Variants in ANKRD30B observed in about 807,000 individuals in gnomAD.
The protein encoded by ANKRD30B is ankyrin repeat domain 30B, also known as ankyrin repeat domain-containing protein 30B.
ANKRD30B carries 144 observed loss-of-function variants against 202.2 expected under a neutral mutation model. The observed-to-expected ratio is 0.71, with a 90% CI of 0.62 to 0.82. The LOEUF (loss-of-function observed/expected upper bound fraction) is 0.82, where lower values mean the gene tolerates loss of function less well. ANKRD30B is among the 40% of genes least tolerant of loss of function. The probability of loss-of-function intolerance (pLI) is 0.00; values close to 1 mark genes in which losing one functional copy is unlikely to be tolerated. For synonymous variants in ANKRD30B, 508 were observed against 561.3 expected (o/e 0.91, Z 1.34); for missense variants, 1,487 against 1,669.1 (o/e 0.89, Z 1.90).
Position 14,843,083 on chromosome 18 carries a change from A to C in ANKRD30B, c.3168A>C (p.Gln1056His), listed in dbSNP as rs751653652. 6.2e-7 allele frequency: 1 copy of C among 1,609,010 alleles called. No homozygotes were observed. The highest frequency in any genetic ancestry group is 1.1e-5 in the South Asian group (1 of 89,840). The stretch of plus-strand genomic sequence containing the variant: ...AAGGCTTAGAATGGAAGAATAAACA[A>C]ACATTGAGAGCAGGTAAATTTTACA... ...PNKGLEWKNK[Q>H]TLRADSTTLS... Residue 1056 changes from glutamine (Q) to histidine (H), a missense_variant, in exon 39 of 44, where the codon CAA becomes CAC. Around this residue, in one of 6 missense-constraint regions of ANKRD30B, gnomAD observed 177 missense variants for 216.4 expected, o/e 0.82. Transcript: ENST00000690538.
chr18:14,807,450 A>T (rs1213929789), intron 24 of ANKRD30B, among the ~76,000 whole-genome samples: 1 of 149,696 alleles, frequency 6.7e-6, no homozygotes, highest in Non-Finnish European at 1.5e-5. Flanking sequence ...AATAACCATT[A>T]TTCTAACATT....
chr18:14,887,542 G>A, the ANKRD30B span, among the ~76,000 whole-genome samples: 2 of 151,856 alleles, frequency 1.3e-5, no homozygotes, highest in African/African-American at 4.8e-5. Flanking sequence ...ATTGTTCTGT[G>A]TGAGACATCT....
the ANKRD30B span, among the ~76,000 whole-genome samples, chr18:14,904,145 T>C: frequency 1.3e-5 from 2 of 152,212 alleles, no homozygotes; most frequent in Non-Finnish European, 2.9e-5. Context: ...TGACCTACTG[T>C]GTTTATCGGT....
intron 20 of ANKRD30B, among the ~76,000 whole-genome samples, chr18:14,798,504 C>T (rs1598638610): frequency 6.6e-6 from 1 of 152,082 alleles, no homozygotes; most frequent in Non-Finnish European, 1.5e-5. Flanking sequence ...ACAAACAATC[C>T]ATAGAAACAG....
Position 14,791,461 on chromosome 18 carries a change from G to T in ANKRD30B, c.1795G>T (p.Glu599Ter), listed in dbSNP as rs762718692. 1.3e-4 allele frequency: 203 copies of T among 1,610,700 alleles called. 4 individuals carry two copies. In the South Asian group the frequency reaches 1.5e-3, roughly 12 times the overall value. ...TTTACCCAAAGCTACACATCAAAAAGAATTCGATACCTTAAGTGGAAAATT... is the reference window on the plus strand; with the variant it reads ...TTTACCCAAAGCTACACATCAAAAATAATTCGATACCTTAAGTGGAAAATT... ...VYLPKATHQK[E>*]FDTLSGKLEE... is the part of the protein sequence containing the mutation. Residue 599 changes from glutamate to a stop codon, truncating the protein, a stop_gained, in exon 16 of 44, where the codon GAA becomes TAA. Coordinates refer to ENST00000690538, the MANE Select transcript of ANKRD30B (RefSeq NM_001367607.2). LOFTEE classifies it high-confidence loss of function.
At chr18:14,860,909 C>T in the ANKRD30B span, among the ~76,000 whole-genome samples, 1 of 152,168 alleles carries the variant, frequency 6.6e-6, no homozygotes, top group East Asian at 1.9e-4. Context: ...TCATGTTGGC[C>T]AGGCTGGTCT....
the ANKRD30B span, among the ~76,000 whole-genome samples, chr18:14,930,781 G>A: frequency 6.6e-6 from 1 of 152,178 alleles, no homozygotes; most frequent in African/African-American, 2.4e-5. Context: ...ATGCATCCTC[G>A]TGGCTCTGCT....
At position 14,796,075 on chromosome 18, in the gene ANKRD30B, A is replaced by G. The variant is rs1968866824; in HGVS notation, c.1826-146A>G. On this transcript the variant is annotated intron_variant, in intron 16 of 43. Transcript: ENST00000690538. ...CTGTCCCGTTGGCATGTTAACAAAT[A>G]CAAAAGCCCAAAAGACCCCAAAACC... is the stretch of plus-strand genomic sequence containing the variant. 6.8e-6 allele frequency: 6 copies of G among 877,886 alleles called. No individual in the cohort carries two copies. The Admixed American group carries it at 1.2e-4, about 17-fold the overall frequency. The allele number at this position is 877,886 out of a possible 1,614,324, so 54.4% of individuals were successfully genotyped here.
At chr18:14,923,453 T>C in the ANKRD30B span, among the ~76,000 whole-genome samples, 1 of 151,918 alleles carries the variant, frequency 6.6e-6, no homozygotes, top group Non-Finnish European at 1.5e-5. Flanking sequence ...AGAAGGACCT[T>C]TTTTTGTGGT....
chr18:14,784,487 G>T lies in ANKRD30B; in HGVS notation c.1624G>T (p.Val542Phe). Residue 542 changes from valine to phenylalanine, a missense_variant, in exon 14 of 44, where the codon GTT becomes TTT. Physicochemically the swap from Val to Phe is conservative, Grantham distance 50. Around this residue, in one of 6 missense-constraint regions of ANKRD30B, gnomAD observed 889 missense variants for 841.4 expected, o/e 1.06. Coordinates refer to ENST00000690538, the MANE Select transcript of ANKRD30B (RefSeq NM_001367607.2). ...GCCTGCCGTTGAAATGCAAAAGACT[G>T]TTCCAAATAAAGCCTTTGAATTGAA... ...FKPAVEMQKT[V>F]PNKAFELKNE... The T allele has an allele frequency of 1.2e-6, 2 of 1,613,130 alleles. No homozygotes were observed. Among genetic ancestry groups the T allele is most frequent in the African/African-American group, 1.3e-5 (1 of 75,000 alleles).
At chr18:14,837,466 T>C in intron 35 of ANKRD30B, 149 bp from the exon 36 acceptor site, 1 of 855,814 alleles carries the variant, frequency 1.2e-6, no homozygotes, top group South Asian at 2.1e-5. Flanking sequence ...CAACTCTTTT[T>C]TTTCTGAACC....
intron 4 of ANKRD30B, among the ~76,000 whole-genome samples, chr18:14,755,384 A>T (rs191540317): frequency 4.6e-5 from 7 of 151,862 alleles, no homozygotes; most frequent in Admixed American, 3.3e-4. Context: ...TTTTTTATAC[A>T]CTTTTTTAAT....
chr18:14,800,308 CTTT>C (rs1177678147), intron 22 of ANKRD30B, among the ~76,000 whole-genome samples: 1 of 146,740 alleles, frequency 6.8e-6, no homozygotes, highest in Non-Finnish European at 1.5e-5. Context: ...CTTAAATTTT[CTTT>C]TTTTTTTAAA....
At chr18:14,827,403 C>G (rs1021189130) in intron 32 of ANKRD30B, among the ~76,000 whole-genome samples, 3 of 152,012 alleles carry the variant, frequency 2.0e-5, no homozygotes, top group African/African-American at 7.2e-5. Flanking sequence ...TTAAAGAGAC[C>G]CAGATTTGCA....
chr18:14,764,677 T>G (rs1372494051), intron 7 of ANKRD30B, among the ~76,000 whole-genome samples: 2 of 152,150 alleles, frequency 1.3e-5, no homozygotes, highest in East Asian at 3.9e-4. Context: ...TGTGAGCTAC[T>G]GCGCCCAGTC....
chr18:14,862,675 G>A, the ANKRD30B span, among the ~76,000 whole-genome samples: 2 of 152,290 alleles, frequency 1.3e-5, no homozygotes, highest in South Asian at 2.1e-4. Flanking sequence ...CCGCCACCTC[G>A]AGATCCCTGA....
At chr18:14,767,371 T>C (rs1916405825) in intron 7 of ANKRD30B, among the ~76,000 whole-genome samples, 1 of 151,964 alleles carries the variant, frequency 6.6e-6, no homozygotes, top group Admixed American at 6.6e-5. Context: ...TTTATGATAG[T>C]TTAATTTATA....
rs1312420034 is a variant in ANKRD30B, at chr18:14,837,294, T to A, written c.2926+5T>A. 1 of 1,532,236 alleles carries A rather than the reference T, an allele frequency of 6.5e-7. No homozygotes were observed. Among genetic ancestry groups the A allele is most frequent in the African/African-American group, 1.4e-5 (1 of 72,244 alleles). The allele number at this position is 1,532,236 out of a possible 1,614,324, so 94.9% of individuals were successfully genotyped here. Reference sequence around the variant, plus strand: ...GAGCTCCACAAGATCAAACAAGTAATGACAATTTTATTTTTTATACCAAAA... The same window carrying A: ...GAGCTCCACAAGATCAAACAAGTAAAGACAATTTTATTTTTTATACCAAAA... On this transcript the variant is annotated splice_donor_5th_base_variant and intron_variant, in intron 35 of 43. Coordinates refer to ENST00000690538, the MANE Select transcript of ANKRD30B (RefSeq NM_001367607.2).
the ANKRD30B span, among the ~76,000 whole-genome samples, chr18:14,878,109 C>G: frequency 6.6e-6 from 1 of 152,126 alleles, no homozygotes; most frequent in Non-Finnish European, 1.5e-5. Context: ...CAGGAGAGGT[C>G]CTACCAGCTC....
Sources: allele counts gnomAD v4.1 joint callset (sites outside exome capture counted in the v4.1 genomes callset), GRCh38; gene constraint gnomAD v4.1.1; regional missense constraint gnomAD v4.1.1; transcripts MANE v1.5; gene names NCBI Gene and HGNC (gene_info 2026-07-23, HGNC 2026-07-21).